The following BPTF variants were observed in gnomAD, a reference collection of about 807,000 sequenced individuals.
BPTF encodes bromodomain PHD finger transcription factor, also known as nucleosome-remodeling factor subunit BPTF.
BPTF carries 18 observed loss-of-function variants against 292.5 expected under a neutral mutation model. That is an observed-to-expected ratio of 0.06 (90% CI 0.04 to 0.09). The LOEUF (loss-of-function observed/expected upper bound fraction) is 0.09. Ranked by LOEUF, BPTF falls within the 10% of genes least tolerant of loss-of-function variation. The pLI, the probability that BPTF is intolerant of heterozygous loss-of-function variation, is 1.00. For synonymous variants in BPTF, 1,225 were observed against 1,251.9 expected, an observed-to-expected ratio of 0.98 and a Z score of 0.45; for missense variants, 2,726 against 3,498.7, an observed-to-expected ratio of 0.78 and a Z score of 5.57.
intron 26 of BPTF, among the ~76,000 whole-genome samples, chr17:67,967,602 C>T (rs1313531904): frequency 6.6e-6 from 1 of 151,930 alleles, no homozygotes; most frequent in Non-Finnish European, 1.5e-5. Context: ...GGATGGATCA[C>T]CTGAGGTCAG....
intron 4 of BPTF, among the ~76,000 whole-genome samples, chr17:67,880,623 G>T (rs1312882064): frequency 6.7e-6 from 1 of 148,366 alleles, no homozygotes; most frequent in Non-Finnish European, 1.5e-5. Flanking sequence ...TTTTGTTTTT[G>T]GTTTTTGGTT....
chr17:67,921,209 CAAAAAAAAAAAAAAAA>C (rs60707445), intron 13 of BPTF, among the ~76,000 whole-genome samples: 2 of 49,228 alleles, frequency 4.1e-5, no homozygotes, highest in East Asian at 6.1e-4. Context: ...GAATCCGTGT[CAAAAAAAAAAAAAAAA>C]AAAAAAAAAA....
chr17:67,886,730 G>T (rs749216087), intron 4 of BPTF, among the ~76,000 whole-genome samples: 4 of 152,060 alleles, frequency 2.6e-5, no homozygotes, highest in Non-Finnish European at 4.4e-5. Context: ...ATATAAACAG[G>T]ATCATTCTGC....
chr17:67,977,965 T>C (rs2069747435), intron 27 of BPTF: 1 of 150,380 alleles, frequency 6.6e-6, no homozygotes, highest in Non-Finnish European at 1.5e-5. Flanking sequence ...AGTGGTTCTC[T>C]TGCCTCAGCC....
At chr17:67,963,786 C>G (rs1258879820) in intron 24 of BPTF, among the ~76,000 whole-genome samples, 2 of 152,088 alleles carry the variant, frequency 1.3e-5, no homozygotes, top group Non-Finnish European at 2.9e-5. Flanking sequence ...TTAAAATAGC[C>G]TGACTTGTTT....
intron 9 of BPTF, among the ~76,000 whole-genome samples, chr17:67,906,161 A>G (rs1349095406): frequency 6.6e-6 from 1 of 151,822 alleles, no homozygotes; most frequent in Non-Finnish European, 1.5e-5. Context: ...CCTCACTGCA[A>G]CCTCCGCCTC....
rs763161439 is a variant in BPTF, at chr17:67,854,145, T to C, written c.819T>C (p.Ala273=). Residue 273 remains alanine (A), a synonymous_variant, in exon 2 of 28, where the codon GCT becomes GCC. Transcript: ENST00000306378. This position sits in a 1 kb window ranked among gnomAD's most constrained non-coding sequence, Gnocchi z 5.6. The part of the protein sequence containing the change: ...SPFRFEDFCA[A]LVSQEQCTLM... Reference sequence around the variant, plus strand: ...TTCGCTTTGAGGACTTTTGTGCAGCTCTGGTGAGCCAAGAGCAGTGCACAC... The same window carrying C: ...TTCGCTTTGAGGACTTTTGTGCAGCCCTGGTGAGCCAAGAGCAGTGCACAC... 9.9e-6 allele frequency: 16 copies of C among 1,614,104 alleles called. No individual in the cohort carries two copies. Among genetic ancestry groups the C allele is most frequent in the Non-Finnish European group, 1.3e-5 (15 of 1,180,052 alleles).
intron 3 of BPTF, among the ~76,000 whole-genome samples, chr17:67,866,961 C>T (rs2059425011): frequency 6.6e-6 from 1 of 152,146 alleles, no homozygotes; most frequent in African/African-American, 2.4e-5. Context: ...GTACTGAATC[C>T]CATAAGCAGT....
rs765850453 is a variant in BPTF, at chr17:67,922,927, T to C, written c.5645T>C (p.Ile1882Thr). 1.2e-6 allele frequency: 2 copies of C among 1,614,150 alleles called. No homozygotes were observed. Among genetic ancestry groups the C allele is most frequent in the East Asian group, 2.2e-5 (1 of 44,886 alleles). Residue 1882 changes from isoleucine (I) to threonine (T), a missense_variant, in exon 14 of 28, where the codon ATT becomes ACT. By Grantham distance (89) the Ile-to-Thr change is moderately conservative. Coordinates refer to ENST00000306378, the MANE Select transcript of BPTF (RefSeq NM_182641.4). ...ACGCCCAAGCAAACTGGCCCTGTTA[T>C]TATTGAAACCTGGGTAGCAGAAGAA... Reference protein sequence around the residue: ...PETPKQTGPVIIETWVAEEEL... With the variant: ...PETPKQTGPVTIETWVAEEEL...
intron 27 of BPTF, among the ~76,000 whole-genome samples, chr17:67,979,044 T>C (rs570545696): frequency 4.0e-4 from 60 of 150,844 alleles, no homozygotes; most frequent in Admixed American, 3.5e-3. Context: ...CATGGTGATG[T>C]ACACCTGTGG....
At chr17:67,979,967 G>C (rs1568241037) in intron 27 of BPTF, among the ~76,000 whole-genome samples, 1 of 152,100 alleles carries the variant, frequency 6.6e-6, no homozygotes, top group Non-Finnish European at 1.5e-5. Flanking sequence ...CTTGAACCTT[G>C]GAGGCGGAGG....
rs1772602546 is a variant in BPTF, at chr17:67,911,837, A to T, written c.3953A>T (p.Gln1318Leu). 1 of 1,614,064 alleles carries T rather than the reference A, an allele frequency of 6.2e-7. No homozygotes were observed. The highest frequency in any genetic ancestry group is 8.5e-7 in the Non-Finnish European group (1 of 1,180,020). ...VQNSNESISEQFRTREQDVEV... is the reference protein window; with the variant it reads ...VQNSNESISELFRTREQDVEV... ...AATAGCAATGAAAGCATTTCTGAAC[A>T]GTTCAGAACTCGAGAACAAGATGTT... is the stretch of plus-strand genomic sequence containing the variant. Residue 1318 changes from glutamine to leucine, a missense_variant, in exon 11 of 28, where the codon CAG (glutamine) becomes CTG (leucine). Gln to Leu is a moderately radical substitution (Grantham distance 113). Around this residue, in one of 22 missense-constraint regions of BPTF, gnomAD observed 713 missense variants for 714.9 expected, o/e 1.00. Coordinates refer to ENST00000306378, the MANE Select transcript of BPTF (RefSeq NM_182641.4).
chr17:67,921,674 A>C (rs1242886716), intron 13 of BPTF, among the ~76,000 whole-genome samples: 1 of 152,222 alleles, frequency 6.6e-6, no homozygotes, highest in Non-Finnish European at 1.5e-5. Context: ...CTTGGAGAAT[A>C]ACCTTTTTGA....
rs200868858 is a variant in BPTF, at chr17:67,910,809, AATATAT to A, written c.2993-60_2993-55del. ...AGTGAGACTCCATCTCAAAAAAAAA[AATATAT>A]ATATATAAATTCCTCCTTTCAGAGT... On this transcript the variant is annotated intron_variant, in intron 10 of 27. Coordinates refer to ENST00000306378, the MANE Select transcript of BPTF (RefSeq NM_182641.4). 3.9e-6 allele frequency: 4 copies of A among 1,037,326 alleles called. No homozygotes were observed. In the African/African-American group the frequency reaches 5.8e-5, roughly 15 times the overall value. The allele number at this position is 1,037,326 out of a possible 1,614,324, so 64.3% of individuals were successfully genotyped here.
At chr17:67,837,792 C>G (rs2057249220) in intron 1 of BPTF, among the ~76,000 whole-genome samples, 1 of 152,170 alleles carries the variant, frequency 6.6e-6, no homozygotes, top group South Asian at 2.1e-4. Flanking sequence ...ACTGACTAGG[C>G]CCAGAGTCCT....
Position 67,982,284 on chromosome 17 carries a change from C to G in BPTF, c.8759C>G (p.Ser2920Cys), listed in dbSNP as rs1555697032. The change falls in exon 28 of 28, where the codon TCT (serine) becomes TGT (cysteine). Residue 2920 changes from serine to cysteine, a missense_variant. Physicochemically the swap from Ser to Cys is moderately radical, Grantham distance 112. Coordinates refer to ENST00000306378, the MANE Select transcript of BPTF (RefSeq NM_182641.4). ...SHNNKLQSTA[S>C] ...AACAACAAACTGCAGTCTACAGCTTCTTAAAGTTCAGCGTGTTAACCTAAC... is the reference window on the plus strand; with the variant it reads ...AACAACAAACTGCAGTCTACAGCTTGTTAAAGTTCAGCGTGTTAACCTAAC... 2 of 1,611,334 alleles carry G rather than the reference C, an allele frequency of 1.2e-6. No homozygotes were observed. Among genetic ancestry groups the G allele is most frequent in the South Asian group, 2.2e-5 (2 of 90,902 alleles).
At position 67,894,014 on chromosome 17, in the gene BPTF, T is replaced by A. The variant is rs779258428; in HGVS notation, c.2412-20T>A. The A allele has an allele frequency of 6.2e-7, 1 of 1,607,270 alleles. No individual in the cohort carries two copies. The highest frequency in any genetic ancestry group is 1.7e-5 in the Admixed American group (1 of 59,348). On this transcript the variant is annotated intron_variant, in intron 6 of 27. Coordinates refer to ENST00000306378, the MANE Select transcript of BPTF (RefSeq NM_182641.4). ...GGTCAACCTAGTGAAATAATTTCTCTCATTTCTTCTGAAATACAGGGCAAA... is the reference window on the plus strand; with the variant it reads ...GGTCAACCTAGTGAAATAATTTCTCACATTTCTTCTGAAATACAGGGCAAA...
chr17:67,874,061 G>T (rs952445725), intron 3 of BPTF, among the ~76,000 whole-genome samples: 1 of 151,972 alleles, frequency 6.6e-6, no homozygotes, highest in Non-Finnish European at 1.5e-5. Context: ...CTCGGAAAAA[G>T]TCCCCAGTGG....
At chr17:67,960,275 T>A (rs117167493) in intron 24 of BPTF, 357 of 156,652 alleles carry the variant, frequency 2.3e-3, no homozygotes, top group Non-Finnish European at 3.5e-3. Flanking sequence ...TGGAAACCAG[T>A]TGAACATGAA....
Sources: allele counts gnomAD v4.1 joint callset (sites outside exome capture counted in the v4.1 genomes callset), GRCh38; gene constraint gnomAD v4.1.1; regional missense constraint gnomAD v4.1.1; non-coding constraint Gnocchi (gnomAD v3.1); transcripts MANE v1.5; gene names NCBI Gene and HGNC (gene_info 2026-07-23, HGNC 2026-07-21).